Variants in ANKS1B observed in about 807,000 individuals in gnomAD.
ANKS1B encodes the protein ankyrin repeat and sterile alpha motif domain-containing protein 1B.
In ANKS1B, 36 loss-of-function variants were observed where a neutral mutation model predicts 148.3. The observed-to-expected ratio is 0.24, with a 90% CI of 0.19 to 0.32. ANKS1B has a LOEUF of 0.32. ANKS1B is among the 10% of genes least tolerant of loss of function. The pLI, the probability that ANKS1B is intolerant of heterozygous loss-of-function variation, is 1.00. For missense variants in ANKS1B, 1,157 were observed against 1,542.6 expected (o/e 0.75, Z 4.19); for synonymous variants, 542 against 560.8 (o/e 0.97, Z 0.47).
At chr12:99,695,319 A>G (rs187399449) in intron 8 of ANKS1B, among the ~76,000 whole-genome samples, 1 of 152,228 alleles carries the variant, frequency 6.6e-6, no homozygotes, top group African/African-American at 2.4e-5. Flanking sequence ...TTCTAATTTA[A>G]TATTTACTGA....
In ANKS1B at chr12:99,378,556, G is replaced by A. The variant is rs2093488717; in HGVS notation, c.1756+21075C>T. Reference sequence around the variant, plus strand: ...TGTAGTCTCAGCTACCCAGGAGGCTGAGGCAGGAGAATTGCTTGAACCTGG... The same window carrying A: ...TGTAGTCTCAGCTACCCAGGAGGCTAAGGCAGGAGAATTGCTTGAACCTGG... On this transcript the variant is annotated intron_variant, in intron 12 of 26. Transcript: ENST00000683438. Among the ~76,000 whole-genome samples, 6 of 151,190 alleles carry A rather than the reference G, an allele frequency of 4.0e-5. No individual in the cohort carries two copies. In the South Asian group the frequency reaches 1.0e-3, roughly 26 times the overall value.
At chr12:99,726,824 G>C (rs963050938) in intron 8 of ANKS1B, among the ~76,000 whole-genome samples, 6 of 152,120 alleles carry the variant, frequency 3.9e-5, no homozygotes, top group African/African-American at 1.4e-4. Context: ...GGGATGCAAG[G>C]CTAGTTCAAC....
chr12:99,615,101 A>G lies in ANKS1B; in HGVS notation c.1272+39966T>C, dbSNP rs1004685317. On this transcript the variant is annotated intron_variant, in intron 9 of 26. Coordinates refer to ENST00000683438, the MANE Select transcript of ANKS1B (RefSeq NM_001352186.2). ...TGGGAAATTTTGAAAAATGCTTGTT[A>G]ACTGCAAAAGCAGAATTCCAAAGTG... Among the ~76,000 whole-genome samples, 11 of 152,174 alleles carry G rather than the reference A, an allele frequency of 7.2e-5. 1 individual carries two copies. Among genetic ancestry groups the G allele is most frequent in the African/African-American group, 2.4e-4 (10 of 41,456 alleles).
intron 17 of ANKS1B, among the ~76,000 whole-genome samples, chr12:99,021,201 T>A (rs1271992266): frequency 6.6e-6 from 1 of 152,112 alleles, no homozygotes; most frequent in African/African-American, 2.4e-5. Context: ...CCAAAGCCCA[T>A]GTTGTTCCCA....
At chr12:99,479,805 C>T (rs889180581) in intron 10 of ANKS1B, among the ~76,000 whole-genome samples, 5 of 151,788 alleles carry the variant, frequency 3.3e-5, no homozygotes, top group Middle Eastern at 3.2e-3. Context: ...GAGGATTAAG[C>T]TTTAGGGATC....
intron 17 of ANKS1B, among the ~76,000 whole-genome samples, chr12:98,847,139 A>G (rs931921545): frequency 2.6e-5 from 4 of 152,118 alleles, no homozygotes; most frequent in African/African-American, 9.7e-5. Context: ...TTAACATAAG[A>G]TCTCCTCTTC....
At chr12:98,907,386 T>C (rs564212934) in intron 17 of ANKS1B, among the ~76,000 whole-genome samples, 1 of 152,304 alleles carries the variant, frequency 6.6e-6, no homozygotes, top group African/African-American at 2.4e-5. Context: ...CTTGATGCCG[T>C]CCTGCCTTCC....
chr12:99,848,282 G>A (rs1442013128), intron 1 of ANKS1B, among the ~76,000 whole-genome samples: 1 of 152,140 alleles, frequency 6.6e-6, no homozygotes, highest in Non-Finnish European at 1.5e-5. Context: ...CCTCCTCCCT[G>A]CAAAGTGGAA....
chr12:99,701,075 G>A (rs1270507872), intron 8 of ANKS1B, among the ~76,000 whole-genome samples: 1 of 152,164 alleles, frequency 6.6e-6, no homozygotes, highest in African/African-American at 2.4e-5. Flanking sequence ...GTTTAACTTT[G>A]TTACCACACT....
At chr12:99,529,527 C>A (rs2096965796) in intron 9 of ANKS1B, among the ~76,000 whole-genome samples, 1 of 151,932 alleles carries the variant, frequency 6.6e-6, no homozygotes, top group Non-Finnish European at 1.5e-5. Context: ...GTGGCGTGTG[C>A]CTGTAATACC....
intron 17 of ANKS1B, among the ~76,000 whole-genome samples, chr12:98,989,569 T>G (rs193172677): frequency 1.7e-3 from 257 of 152,332 alleles, no homozygotes; most frequent in African/African-American, 6.0e-3. Context: ...TTTGCTTGTT[T>G]GTTTTGCTCA....
At chr12:99,139,457 T>C (rs113324363) in intron 15 of ANKS1B, among the ~76,000 whole-genome samples, 1,382 of 85,540 alleles carry the variant, frequency 0.016, 21 homozygotes, top group Middle Eastern at 0.039. Context: ...TCTTTCTTTC[T>C]TTCAAGATAG....
chr12:99,737,979 C>T (rs922239048), intron 8 of ANKS1B, among the ~76,000 whole-genome samples: 3 of 152,120 alleles, frequency 2.0e-5, no homozygotes, highest in African/African-American at 4.8e-5. Context: ...AATTACAGCT[C>T]ATTTATTGAA....
intron 15 of ANKS1B, among the ~76,000 whole-genome samples, chr12:99,147,774 G>A (rs558894583): frequency 6.6e-6 from 1 of 151,980 alleles, no homozygotes; most frequent in East Asian, 1.9e-4. Context: ...CTTATTTGGA[G>A]GCATGAGGAG....
rs2098190424 is a variant in ANKS1B, at chr12:99,633,160, G to A, written c.1272+21907C>T. On this transcript the variant is annotated intron_variant, in intron 9 of 26. Coordinates refer to ENST00000683438, the MANE Select transcript of ANKS1B (RefSeq NM_001352186.2). ...CATTTTCTTAATCCAGTCTATCATT[G>A]TTGGACATTTGGGTTGGTTCCAAGT... 2.6e-5 allele frequency among the ~76,000 whole-genome samples: 4 copies of A among 151,674 alleles called. No homozygotes were observed. In the South Asian group the frequency reaches 8.3e-4, roughly 32 times the overall value.
intron 9 of ANKS1B, among the ~76,000 whole-genome samples, chr12:99,582,132 G>C (rs1014186276): frequency 1.3e-5 from 2 of 151,718 alleles, no homozygotes; most frequent in Non-Finnish European, 2.9e-5. Flanking sequence ...TGATCATTAG[G>C]GAAATGCAAA....
At chr12:99,708,289 C>G (rs2056127784) in intron 8 of ANKS1B, among the ~76,000 whole-genome samples, 1 of 152,142 alleles carries the variant, frequency 6.6e-6, no homozygotes, top group Non-Finnish European at 1.5e-5. Flanking sequence ...GGACAAGTGA[C>G]TAAACACATA....
chr12:99,334,151 T>TAGATAGATAGAC (rs1555391564), intron 12 of ANKS1B, among the ~76,000 whole-genome samples: 3 of 150,166 alleles, frequency 2.0e-5, no homozygotes, highest in African/African-American at 7.4e-5. Flanking sequence ...GATAGATAGA[T>TAGATAGATAGAC]AGACAGACAG....
intron 1 of ANKS1B, among the ~76,000 whole-genome samples, chr12:99,927,434 A>G (rs1271946957): frequency 6.6e-6 from 1 of 152,232 alleles, no homozygotes; most frequent in African/African-American, 2.4e-5. Flanking sequence ...AATTGATATT[A>G]TTCAAAAATA....
Sources: gnomAD v4.1 joint callset for allele counts (sites outside exome capture counted in the v4.1 genomes callset) on GRCh38, gnomAD v4.1.1 for gene constraint, MANE v1.5 for transcripts, NCBI Gene and HGNC (gene_info 2026-07-23, HGNC 2026-07-21) for gene names.